Variants in NKX2-6 observed in about 807,000 individuals in gnomAD.
NKX2-6 encodes homeobox protein Nkx-2.6.
Under a neutral mutation model 8.6 loss-of-function variants are expected in NKX2-6, and 8 were observed. The ratio of observed to expected loss-of-function variants is 0.93; its 90% CI spans 0.54 to 1.67. The LOEUF is 1.67. Among genes scored for constraint, NKX2-6 ranks in the 40% most tolerant of loss-of-function variants. The probability of loss-of-function intolerance (pLI) is 0.00; values close to 1 mark genes in which losing one functional copy is unlikely to be tolerated. For missense variants in NKX2-6, 475 were observed against 423.1 expected (o/e 1.12, Z -1.08); for synonymous variants, 210 against 199.3 (o/e 1.05, Z -0.45).
chr8:23,705,623 C>A (rs984860127), intron 1 of NKX2-6, among the ~76,000 whole-genome samples: 5 of 152,268 alleles, frequency 3.3e-5, no homozygotes, highest in African/African-American at 1.2e-4. Flanking sequence ...CAGCCCGGCG[C>A]GCACGGTTGC....
At chr8:23,705,027 T>C (rs992363867) in intron 1 of NKX2-6, among the ~76,000 whole-genome samples, 4 of 152,198 alleles carry the variant, frequency 2.6e-5, no homozygotes, top group African/African-American at 9.6e-5. Context: ...CTCGGGTCCC[T>C]CCTCGGCGGC....
Position 23,706,569 on chromosome 8 carries a change from G to C in NKX2-6, c.30C>G (p.Pro10=), listed in dbSNP as rs780398323. 2 of 1,536,162 alleles carry C rather than the reference G, an allele frequency of 1.3e-6. No homozygotes were observed. The highest frequency in any genetic ancestry group is 2.7e-5 in the African/African-American group (2 of 73,186). The change falls in exon 1 of 2, where the codon CCC becomes CCG. Residue 10 remains proline (P), a synonymous_variant. Coordinates refer to ENST00000325017, the MANE Select transcript of NKX2-6 (RefSeq NM_001136271.3). ...GTCGCAGGATGTCCTTGACCGAGAA[G>C]GGGGTGGAGGTGACGGGGCTCAGCA... The part of the protein sequence containing the change: MLLSPVTST[P]FSVKDILRLE...
chr8:23,703,113 C>T, intron 1 of NKX2-6, 31 bp from the exon 2 acceptor site: 1 of 1,532,830 alleles, frequency 6.5e-7, no homozygotes, highest in Non-Finnish European at 8.7e-7. Context: ...ACATCAGCGC[C>T]CAGCCTAAGG....
At position 23,706,373 on chromosome 8, in the gene NKX2-6, G is replaced by T. The variant is rs1195067755; in HGVS notation, c.226C>A (p.Pro76Thr). 7.1e-6 allele frequency: 11 copies of T among 1,551,486 alleles called. No individual in the cohort carries two copies. The highest frequency in any genetic ancestry group is 9.6e-6 in the Non-Finnish European group (11 of 1,147,000). The change falls in exon 1 of 2, where the codon CCC (proline) becomes ACC (threonine). Residue 76 changes from proline to threonine, a missense_variant. By Grantham distance (38) the Pro-to-Thr change is conservative (BLOSUM62 -1). Coordinates refer to ENST00000325017, the MANE Select transcript of NKX2-6 (RefSeq NM_001136271.3). ...TCCATCTCCAAGACTGCCTCACAGG[G>T]ACCCCCAGGAGGCTCCGAACCATCC... ...KLDGSEPPGGPCEAVLEMDAE... is the reference protein window; with the variant it reads ...KLDGSEPPGGTCEAVLEMDAE...
At chr8:23,705,238 A>G (rs2117598800) in intron 1 of NKX2-6, among the ~76,000 whole-genome samples, 1 of 152,328 alleles carries the variant, frequency 6.6e-6, no homozygotes, top group South Asian at 2.1e-4. Context: ...AAAACCTACC[A>G]GCTTCTTCGC....
chr8:23,704,001 C>T (rs1284346679), intron 1 of NKX2-6, among the ~76,000 whole-genome samples: 1 of 152,158 alleles, frequency 6.6e-6, no homozygotes, highest in Non-Finnish European at 1.5e-5. Flanking sequence ...CAGCCCCAAG[C>T]GCACTGCAGG....
At position 23,706,552 on chromosome 8, in the gene NKX2-6, A is replaced by T; in HGVS notation, c.47T>A (p.Ile16Asn). 1.3e-6 allele frequency: 2 copies of T among 1,536,542 alleles called. No homozygotes were observed. The highest frequency in any genetic ancestry group is 1.7e-6 in the Non-Finnish European group (2 of 1,146,902). Reference sequence around the variant, plus strand: ...GCTCCGCTCGCGCTCCAGTCGCAGGATGTCCTTGACCGAGAAGGGGGTGGA... The same window carrying T: ...GCTCCGCTCGCGCTCCAGTCGCAGGTTGTCCTTGACCGAGAAGGGGGTGGA... The part of the protein sequence containing the change: ...VTSTPFSVKD[I>N]LRLERERSCP... The change falls in exon 1 of 2, where the codon ATC (isoleucine) becomes AAC (asparagine). Residue 16 changes from isoleucine to asparagine, a missense_variant. By Grantham distance (149) the Ile-to-Asn change is moderately radical. Coordinates refer to ENST00000325017, the MANE Select transcript of NKX2-6 (RefSeq NM_001136271.3).
intron 1 of NKX2-6, among the ~76,000 whole-genome samples, chr8:23,705,394 G>A (rs763680013): frequency 7.2e-5 from 11 of 152,254 alleles, no homozygotes; most frequent in Non-Finnish European, 1.3e-4. Context: ...GGCAGAGGAG[G>A]CCTGCCCTGG....
In NKX2-6 at chr8:23,706,625, G is replaced by A. The variant is rs1318717878; in HGVS notation, c.-27C>T. ...CCGAAGGCGGATGGGGCGGGGCCGA[G>A]GAGGTCCGGGTGAGGAGCGGCACCC... On this transcript the variant is annotated 5_prime_UTR_variant, in exon 1 of 2. Coordinates refer to ENST00000325017, the MANE Select transcript of NKX2-6 (RefSeq NM_001136271.3). The A allele has an allele frequency of 6.6e-7, 1 of 1,523,776 alleles. No homozygotes were observed. Among genetic ancestry groups the A allele is most frequent in the Admixed American group, 2.0e-5 (1 of 50,304 alleles). 94.4% of individuals were successfully genotyped at this position (1,523,776 alleles called of 1,614,324 possible). A position where few individuals can be genotyped will look rare whatever the true frequency, so the allele number is the denominator to read the frequency against.
chr8:23,706,645 G>T lies in NKX2-6; in HGVS notation c.-47C>A, dbSNP rs1033912013. The T allele has an allele frequency of 1.2e-5, 18 of 1,498,394 alleles. No homozygotes were observed. Among genetic ancestry groups the T allele is most frequent in the Non-Finnish European group, 1.6e-5 (18 of 1,125,124 alleles). 92.8% of individuals were successfully genotyped at this position (1,498,394 alleles called of 1,614,324 possible). ...GCCGAGGAGGTCCGGGTGAGGAGCG[G>T]CACCCTGAACTTCCCGTCTTGTCGC... On this transcript the variant is annotated 5_prime_UTR_variant, in exon 1 of 2. Coordinates refer to ENST00000325017, the MANE Select transcript of NKX2-6 (RefSeq NM_001136271.3).
At chr8:23,705,674 C>G (rs1399749659) in intron 1 of NKX2-6, among the ~76,000 whole-genome samples, 2 of 152,216 alleles carry the variant, frequency 1.3e-5, no homozygotes, top group Non-Finnish European at 2.9e-5. Flanking sequence ...AGAACCGTGT[C>G]CCAGGGCAGA....
At position 23,702,670 on chromosome 8, in the gene NKX2-6, G is replaced by A. The variant is rs1801023537; in HGVS notation, c.687C>T (p.Ala229=). Residue 229 remains alanine (A), a synonymous_variant, in exon 2 of 2, where the codon GCC becomes GCT. Transcript: ENST00000325017. Reference sequence around the variant, plus strand: ...CTGCTGCACTGTAGGGGCTGGGGAAGGCAGGTGCGCCGGGCCCGGGGCCCA... The same window carrying A: ...CTGCTGCACTGTAGGGGCTGGGGAAAGCAGGTGCGCCGGGCCCGGGGCCCA... ...PCLGPGPGAP[A]FPSPYSAAVS... 1.3e-6 allele frequency: 2 copies of A among 1,550,732 alleles called. No individual in the cohort carries two copies. Among genetic ancestry groups the A allele is most frequent in the Non-Finnish European group, 1.7e-6 (2 of 1,146,600 alleles).
Position 23,702,335 on chromosome 8 carries a change from G to C in NKX2-6, c.*116C>G. ...GTTTCAGAGATCCCTCCGGAAAGAAGCGCCGTTGGGTAGCAGCTTCCTTCC... is the reference window on the plus strand; with the variant it reads ...GTTTCAGAGATCCCTCCGGAAAGAACCGCCGTTGGGTAGCAGCTTCCTTCC... On this transcript the variant is annotated 3_prime_UTR_variant, in exon 2 of 2. Coordinates refer to ENST00000325017, the MANE Select transcript of NKX2-6 (RefSeq NM_001136271.3). 8.5e-7 allele frequency: 1 copy of C among 1,178,296 alleles called. No individual in the cohort carries two copies. Among genetic ancestry groups the C allele is most frequent in the Non-Finnish European group, 1.1e-6 (1 of 872,832 alleles). The allele number at this position is 1,178,296 out of a possible 1,614,324, so 73.0% of individuals were successfully genotyped here.
chr8:23,706,451 G>A lies in NKX2-6; in HGVS notation c.148C>T (p.Pro50Ser). 1 of 1,547,448 alleles carries A rather than the reference G, an allele frequency of 6.5e-7. No individual in the cohort carries two copies. ...GCGTTGTGAACCTCTGACCCTCGCG[G>A]CTCTGCGTCCATTCTCAGGTACTGA... ...NFQYLRMDAE[P>S]RGSEVHNAGG... The change falls in exon 1 of 2, where the codon CCG becomes TCG. Residue 50 changes from proline (P) to serine (S), a missense_variant. Pro to Ser is a moderately conservative substitution (Grantham distance 74). Transcript: ENST00000325017.
In NKX2-6 at chr8:23,706,718, C is replaced by A; in HGVS notation, c.-120G>T. The A allele has an allele frequency of 1.7e-6, 2 of 1,168,260 alleles. No individual in the cohort carries two copies. Among genetic ancestry groups the A allele is most frequent in the Non-Finnish European group, 2.3e-6 (2 of 852,360 alleles). The allele number at this position is 1,168,260 out of a possible 1,614,324, so 72.4% of individuals were successfully genotyped here. Reference sequence around the variant, plus strand: ...AAGCTCTGGGACAGACGCCCAGCGTCCCAGACAGCGCCTTCCTCTGGGCCA... The same window carrying A: ...AAGCTCTGGGACAGACGCCCAGCGTACCAGACAGCGCCTTCCTCTGGGCCA... On this transcript the variant is annotated 5_prime_UTR_variant, in exon 1 of 2. Coordinates refer to ENST00000325017, the MANE Select transcript of NKX2-6 (RefSeq NM_001136271.3).
chr8:23,706,352 T>A lies in NKX2-6; in HGVS notation c.247A>T (p.Met83Leu). The change falls in exon 1 of 2, where the codon ATG (methionine) becomes TTG (leucine). Residue 83 changes from methionine to leucine, a missense_variant. Transcript: ENST00000325017. ...PGGPCEAVLE[M>L]DAERMGEPQP... Reference sequence around the variant, plus strand: ...GGCTCCCCCATCCGTTCCGCGTCCATCTCCAAGACTGCCTCACAGGGACCC... The same window carrying A: ...GGCTCCCCCATCCGTTCCGCGTCCAACTCCAAGACTGCCTCACAGGGACCC... 6.5e-7 allele frequency: 1 copy of A among 1,549,796 alleles called. No individual in the cohort carries two copies. Among genetic ancestry groups the A allele is most frequent in the Non-Finnish European group, 8.7e-7 (1 of 1,146,220 alleles).
At position 23,703,004 on chromosome 8, in the gene NKX2-6, C is replaced by CT; in HGVS notation, c.352dup (p.Ser118LysfsTer242). 1 of 1,540,896 alleles carries CT rather than the reference C, an allele frequency of 6.5e-7. No individual in the cohort carries two copies. The highest frequency in any genetic ancestry group is 8.7e-7 in the Non-Finnish European group (1 of 1,145,402). On this transcript the variant is annotated frameshift_variant, in exon 2 of 2. Transcript: ENST00000325017. LOFTEE classifies it low-confidence loss of function (END_TRUNC). ...CTGCTCCGAGCGGCCACCCCGCACG[C>CT]TGTCGCCGCTGTTGCCAACGCCGCG...
chr8:23,702,361 A>G lies in NKX2-6; in HGVS notation c.*90T>C. ...CGCCGTTGGGTAGCAGCTTCCTTCC[A>G]GCGCCGCGTCCCCTCCTTGTCACGA... On this transcript the variant is annotated 3_prime_UTR_variant, in exon 2 of 2. Transcript: ENST00000325017. 1 of 1,346,218 alleles carries G rather than the reference A, an allele frequency of 7.4e-7. No homozygotes were observed. The highest frequency in any genetic ancestry group is 9.8e-7 in the Non-Finnish European group (1 of 1,024,670). 83.4% of individuals were successfully genotyped at this position (1,346,218 alleles called of 1,614,324 possible).
chr8:23,703,981 T>G (rs960256938), intron 1 of NKX2-6, among the ~76,000 whole-genome samples: 1 of 152,144 alleles, frequency 6.6e-6, no homozygotes, highest in Non-Finnish European at 1.5e-5. Context: ...GTCTGCCTCA[T>G]TTTCCTTCGC....
Sources: gnomAD v4.1 joint callset for allele counts (sites outside exome capture counted in the v4.1 genomes callset) on GRCh38, gnomAD v4.1.1 for gene constraint, MANE v1.5 for transcripts, NCBI Gene and HGNC (gene_info 2026-07-23, HGNC 2026-07-21) for gene names.